The following UBE2D1 variants were observed in gnomAD, a reference collection of about 807,000 sequenced individuals.
The protein encoded by UBE2D1 is ubiquitin conjugating enzyme E2 D1, also known as ubiquitin-conjugating enzyme E2 D1.
UBE2D1 carries 9 observed loss-of-function variants against 24.6 expected under a neutral mutation model. That is an observed-to-expected ratio of 0.37 (90% CI 0.22 to 0.64). UBE2D1 has a LOEUF of 0.64. Ranked by LOEUF, UBE2D1 falls within the 30% of genes least tolerant of loss-of-function variation. UBE2D1 has a pLI of 0.64. For synonymous variants in UBE2D1, 57 were observed against 57.6 expected, an observed-to-expected ratio of 0.99 and a Z score of 0.04; for missense variants, 87 against 177.1, an observed-to-expected ratio of 0.49 and a Z score of 2.89.
intron 1 of UBE2D1, among the ~76,000 whole-genome samples, chr10:58,348,356 G>A (rs963782889): frequency 6.6e-6 from 1 of 152,206 alleles, no homozygotes; most frequent in African/African-American, 2.4e-5. Context: ...CCCATGAAAT[G>A]TTTATTTACA....
intron 1 of UBE2D1, among the ~76,000 whole-genome samples, chr10:58,351,703 A>G (rs1840079077): frequency 6.6e-6 from 1 of 152,236 alleles, no homozygotes; most frequent in South Asian, 2.1e-4. Flanking sequence ...AATGTAGTAA[A>G]TACATGAACC....
chr10:58,363,497 A>G (rs1840222764), intron 3 of UBE2D1, 112 bp from the exon 4 acceptor site: 1 of 677,404 alleles, frequency 1.5e-6, no homozygotes, highest in Non-Finnish European at 2.3e-6. Context: ...TAATGAAATT[A>G]TTTTAAACAT....
At position 58,369,124 on chromosome 10, in the gene UBE2D1, A is replaced by G; in HGVS notation, c.*359A>G. ...AGAAATACTGTATGTGTTGTCTAAG[A>G]TGTCAGTTTTATAAATCTGTATTCA... On this transcript the variant is annotated 3_prime_UTR_variant, in exon 7 of 7. Coordinates refer to ENST00000373910, the MANE Select transcript of UBE2D1 (RefSeq NM_003338.5). The G allele has an allele frequency of 6.2e-6, 1 of 160,724 alleles. No individual in the cohort carries two copies. Among genetic ancestry groups the G allele is most frequent in the Non-Finnish European group, 1.4e-5 (1 of 73,372 alleles). 10.0% of individuals were successfully genotyped at this position (160,724 alleles called of 1,614,324 possible).
Position 58,368,840 on chromosome 10 carries a change from C to G in UBE2D1, c.*75C>G. The G allele has an allele frequency of 1.0e-6, 1 of 973,392 alleles. No individual in the cohort carries two copies. The highest frequency in any genetic ancestry group is 1.5e-6 in the Non-Finnish European group (1 of 655,764). The allele number at this position is 973,392 out of a possible 1,614,324, so 60.3% of individuals were successfully genotyped here. On this transcript the variant is annotated 3_prime_UTR_variant, in exon 7 of 7. Transcript: ENST00000373910. Reference sequence around the variant, plus strand: ...TTTTCAACATTAGCAGTAAATTGAGCACTGTTTACTGTTTCATTGTACCAT... The same window carrying G: ...TTTTCAACATTAGCAGTAAATTGAGGACTGTTTACTGTTTCATTGTACCAT...
Position 58,368,971 on chromosome 10 carries a change from T to C in UBE2D1, c.*206T>C, listed in dbSNP as rs548865564. 77 of 345,382 alleles carry C rather than the reference T, an allele frequency of 2.2e-4. No homozygotes were observed. The South Asian group carries it at 7.6e-3, about 34-fold the overall frequency. The allele number at this position is 345,382 out of a possible 1,614,324, so 21.4% of individuals were successfully genotyped here. A position where few individuals can be genotyped will look rare whatever the true frequency, so the allele number is the denominator to read the frequency against. ...TGATGAGAGCATTTATCATTTTGTATGCATTGAGAAAGACATTTATTATGG... is the reference window on the plus strand; with the variant it reads ...TGATGAGAGCATTTATCATTTTGTACGCATTGAGAAAGACATTTATTATGG... On this transcript the variant is annotated 3_prime_UTR_variant, in exon 7 of 7. Transcript: ENST00000373910.
intron 4 of UBE2D1, 53 bp from the exon 5 acceptor site, chr10:58,364,718 C>A: frequency 7.3e-7 from 1 of 1,371,174 alleles, no homozygotes; most frequent in South Asian, 1.2e-5. Context: ...CTGTTTTATT[C>A]ATAGTTGATT....
intron 1 of UBE2D1, among the ~76,000 whole-genome samples, chr10:58,335,568 A>C (rs955393577): frequency 2.0e-5 from 3 of 152,238 alleles, no homozygotes; most frequent in African/African-American, 7.2e-5. Flanking sequence ...CCATGGGGCT[A>C]GTTTTGACCC....
At chr10:58,342,319 C>T (rs1237300933) in intron 1 of UBE2D1, among the ~76,000 whole-genome samples, 1 of 152,148 alleles carries the variant, frequency 6.6e-6, no homozygotes, top group Non-Finnish European at 1.5e-5. Context: ...TTTAGTGACA[C>T]CACAGTTCTT....
chr10:58,363,272 G>A (rs1589003727), intron 3 of UBE2D1, among the ~76,000 whole-genome samples: 1 of 152,094 alleles, frequency 6.6e-6, no homozygotes, highest in East Asian at 1.9e-4. Flanking sequence ...CAGCAGTCGT[G>A]TGTATACTGA....
At chr10:58,361,557 C>A in intron 3 of UBE2D1, 31 bp downstream of exon 3, 1 of 1,612,984 alleles carries the variant, frequency 6.2e-7, no homozygotes, top group East Asian at 2.2e-5. Flanking sequence ...TGAAATTAAC[C>A]CCCTCAGCCA....
At chr10:58,338,095 C>T (rs779583515) in intron 1 of UBE2D1, among the ~76,000 whole-genome samples, 7 of 152,114 alleles carry the variant, frequency 4.6e-5, no homozygotes, top group Admixed American at 6.5e-5. Flanking sequence ...AATCCACCTA[C>T]CTCGGCCTCC....
chr10:58,351,485 G>T (rs1346864734), intron 1 of UBE2D1, among the ~76,000 whole-genome samples: 1 of 152,004 alleles, frequency 6.6e-6, no homozygotes, highest in East Asian at 1.9e-4. Context: ...ACAGGGTCAG[G>T]ATACTCAGTA....
intron 1 of UBE2D1, among the ~76,000 whole-genome samples, chr10:58,346,593 G>T (rs1039528277): frequency 6.6e-6 from 1 of 152,180 alleles, no homozygotes; most frequent in East Asian, 1.9e-4. Flanking sequence ...AGGAAGCCAT[G>T]TTTGCAACTA....
At chr10:58,339,348 C>G (rs1839937902) in intron 1 of UBE2D1, among the ~76,000 whole-genome samples, 1 of 152,178 alleles carries the variant, frequency 6.6e-6, no homozygotes, top group Non-Finnish European at 1.5e-5. Flanking sequence ...TCAGGTGATC[C>G]ACCCGCCTCA....
At chr10:58,339,116 T>C (rs1044629953) in intron 1 of UBE2D1, among the ~76,000 whole-genome samples, 1 of 152,132 alleles carries the variant, frequency 6.6e-6, no homozygotes, top group Non-Finnish European at 1.5e-5. Flanking sequence ...CTGAGTTTTT[T>C]TTGTTTTTAG....
At chr10:58,338,902 T>C (rs117249927) in intron 1 of UBE2D1, among the ~76,000 whole-genome samples, 2 of 152,300 alleles carry the variant, frequency 1.3e-5, no homozygotes, top group East Asian at 3.9e-4. Flanking sequence ...AATGGAACAT[T>C]AGTTGTTTTT....
chr10:58,343,209 G>C (rs940489126), intron 1 of UBE2D1, among the ~76,000 whole-genome samples: 4 of 152,130 alleles, frequency 2.6e-5, no homozygotes, highest in African/African-American at 9.7e-5. Flanking sequence ...TCTATTGACT[G>C]TAGGTTATTT....
intron 1 of UBE2D1, 77 bp downstream of exon 1, chr10:58,335,302 GAC>G: frequency 7.0e-7 from 1 of 1,419,618 alleles, no homozygotes; most frequent in Non-Finnish European, 9.3e-7. Flanking sequence ...GGTCCCGAGA[GAC>G]ATGCGGGGAG....
At chr10:58,339,382 A>C (rs1839938212) in intron 1 of UBE2D1, among the ~76,000 whole-genome samples, 1 of 152,232 alleles carries the variant, frequency 6.6e-6, no homozygotes, top group African/African-American at 2.4e-5. Context: ...CTGGGATTAC[A>C]GGCGTGAACC....
Sources: gnomAD v4.1 joint callset for allele counts (sites outside exome capture counted in the v4.1 genomes callset) on GRCh38, gnomAD v4.1.1 for gene constraint, MANE v1.5 for transcripts, NCBI Gene and HGNC (gene_info 2026-07-23, HGNC 2026-07-21) for gene names.